The following RILPL1 variants were observed in gnomAD, a reference collection of about 807,000 sequenced individuals.
The protein encoded by RILPL1 is Rab interacting lysosomal protein like 1.
Under a neutral mutation model 50.3 loss-of-function variants are expected in RILPL1, and 33 were observed. That is an observed-to-expected ratio of 0.66 (90% CI 0.50 to 0.88). The LOEUF is 0.88. RILPL1 is among the 40% of genes least tolerant of loss of function. RILPL1 has a pLI of 0.00. For synonymous variants in RILPL1, 205 were observed against 228.6 expected (o/e 0.90, Z 0.93); for missense variants, 418 against 542.5 (o/e 0.77, Z 2.28).
rs28496079 is a variant in RILPL1, at chr12:123,522,294, C to T, written c.460+1201G>A. Among the ~76,000 whole-genome samples, 84,164 of 151,966 alleles carry T rather than the reference C, an allele frequency of 0.55. 25,337 individuals are homozygous for T. Among genetic ancestry groups the T allele is most frequent in the East Asian group, 0.89 (4,616 of 5,158 alleles). On this transcript the variant is annotated intron_variant, in intron 2 of 6. Coordinates refer to ENST00000376874, the MANE Select transcript of RILPL1 (RefSeq NM_178314.5). The surrounding 1 kb of genome is among the most constrained non-coding windows in gnomAD (Gnocchi z 4.0). ...CAGGGCTGAGCAGAGCAGATGCCGC[C>T]CACAGCCCCGCCTGGCCCGAATCTT...
chr12:123,513,240 C>T, intron 2 of RILPL1: 1 of 253,778 alleles, frequency 3.9e-6, no homozygotes, highest in Non-Finnish European at 8.5e-6. Flanking sequence ...TGTTTGGGGG[C>T]TGAGGTCCCA....
chr12:123,503,947 G>A (rs1385397652), intron 2 of RILPL1, among the ~76,000 whole-genome samples: 2 of 150,440 alleles, frequency 1.3e-5, no homozygotes, highest in Non-Finnish European at 2.9e-5. Context: ...CTTGCAGTGA[G>A]CCGAGATGGC....
At chr12:123,528,890 T>C (rs1885356531) in intron 1 of RILPL1, among the ~76,000 whole-genome samples, 1 of 152,054 alleles carries the variant, frequency 6.6e-6, no homozygotes, top group Admixed American at 6.6e-5. Flanking sequence ...ACCAGCCCAG[T>C]GGTTCTCCGG....
At chr12:123,475,569 T>C in intron 6 of RILPL1, 2 of 782,016 alleles carry the variant, frequency 2.6e-6, no homozygotes, top group Non-Finnish European at 4.3e-6. Flanking sequence ...GCAGCTTAAG[T>C]GGCCAGGGGG....
At chr12:123,515,040 C>G (rs922123499) in intron 2 of RILPL1, among the ~76,000 whole-genome samples, 2 of 151,728 alleles carry the variant, frequency 1.3e-5, no homozygotes, top group Non-Finnish European at 2.9e-5. Flanking sequence ...AAAAGATTCT[C>G]CCACCTCAGC....
chr12:123,521,628 T>TAC (rs779320001), intron 2 of RILPL1, among the ~76,000 whole-genome samples: 5 of 7,154 alleles, frequency 7.0e-4, no homozygotes, highest in Admixed American at 1.5e-3. Context: ...TGTATATATA[T>TAC]ACACACATAT....
intron 2 of RILPL1, among the ~76,000 whole-genome samples, chr12:123,500,106 A>AT (rs1883278367): frequency 6.6e-6 from 1 of 151,038 alleles, no homozygotes; most frequent in Admixed American, 6.6e-5. Context: ...AAATTTTTGT[A>AT]TTTTTAGTAG....
chr12:123,490,254 T>A (rs1593547348), intron 4 of RILPL1, among the ~76,000 whole-genome samples: 1 of 151,838 alleles, frequency 6.6e-6, no homozygotes, highest in Non-Finnish European at 1.5e-5. Flanking sequence ...TCAAAGGAAC[T>A]CCCAAACCCC....
At chr12:123,519,195 G>A (rs1435352055) in intron 2 of RILPL1, among the ~76,000 whole-genome samples, 1 of 151,790 alleles carries the variant, frequency 6.6e-6, no homozygotes, top group African/African-American at 2.4e-5. Flanking sequence ...AAATGACAAC[G>A]TGGTCAGTTT....
chr12:123,524,413 G>A (rs577531025), intron 1 of RILPL1, among the ~76,000 whole-genome samples: 26 of 152,254 alleles, frequency 1.7e-4, no homozygotes, highest in Middle Eastern at 3.4e-3. Context: ...GTTACCATAG[G>A]ACCCAGCAAC....
chr12:123,475,752 TG>T, intron 6 of RILPL1: 1 of 1,576,338 alleles, frequency 6.3e-7, no homozygotes, highest in Non-Finnish European at 8.6e-7. Context: ...GTAAAGATCC[TG>T]GTTAGAGAAG....
intron 4 of RILPL1, among the ~76,000 whole-genome samples, chr12:123,497,454 T>TC (rs546299178): frequency 2.0e-4 from 30 of 152,216 alleles, no homozygotes; most frequent in African/African-American, 6.7e-4. Context: ...GGTGGTGCAA[T>TC]CTCAGCTCAC....
At chr12:123,473,536 T>C (rs922931770) in intron 6 of RILPL1, 1 of 151,720 alleles carries the variant, frequency 6.6e-6, no homozygotes, top group Admixed American at 6.6e-5. Context: ...TAAATATATA[T>C]ATATAAGTAA....
chr12:123,503,262 G>A (rs868439864), intron 2 of RILPL1, among the ~76,000 whole-genome samples: 30 of 140,074 alleles, frequency 2.1e-4, no homozygotes, highest in Middle Eastern at 7.9e-3. Flanking sequence ...GTGCAGTGGC[G>A]CGATCTCAGC....
At chr12:123,496,076 G>A (rs1883016196) in intron 4 of RILPL1, among the ~76,000 whole-genome samples, 1 of 151,640 alleles carries the variant, frequency 6.6e-6, no homozygotes, top group African/African-American at 2.4e-5. Context: ...GCAGTGGCGT[G>A]ATCTCAGTTC....
At chr12:123,496,666 A>G (rs1054070655) in intron 4 of RILPL1, among the ~76,000 whole-genome samples, 1 of 152,158 alleles carries the variant, frequency 6.6e-6, no homozygotes, top group Non-Finnish European at 1.5e-5. Context: ...CGGCTTCAGG[A>G]ACAGCTCTTC....
chr12:123,488,262 G>A (rs368081749), intron 4 of RILPL1, among the ~76,000 whole-genome samples: 1 of 151,892 alleles, frequency 6.6e-6, no homozygotes, highest in South Asian at 2.1e-4. Flanking sequence ...AACATAGCAA[G>A]ACCTCATGTC....
chr12:123,533,589 C>T lies in RILPL1; in HGVS notation c.-107G>A. 1.0e-6 allele frequency: 1 copy of T among 975,576 alleles called. No homozygotes were observed. Among genetic ancestry groups the T allele is most frequent in the East Asian group, 3.8e-5 (1 of 26,582 alleles). The allele number at this position is 975,576 out of a possible 1,614,324, so 60.4% of individuals were successfully genotyped here. A position where few individuals can be genotyped will look rare whatever the true frequency, so the allele number is the denominator to read the frequency against. On this transcript the variant is annotated 5_prime_UTR_variant, in exon 1 of 7. Coordinates refer to ENST00000376874, the MANE Select transcript of RILPL1 (RefSeq NM_178314.5). The surrounding 1 kb of genome is among the most constrained non-coding windows in gnomAD (Gnocchi z 6.2). ...GCCCAGCCTGGGCCGCGGGCGGGCGCGCTCAGCGGGCGCTGGGGCGAGGGC... is the reference window on the plus strand; with the variant it reads ...GCCCAGCCTGGGCCGCGGGCGGGCGTGCTCAGCGGGCGCTGGGGCGAGGGC...
intron 1 of RILPL1, among the ~76,000 whole-genome samples, chr12:123,525,700 C>CAAAAAAAAAAAAA (rs1207503097): frequency 8.9e-5 from 4 of 44,980 alleles, no homozygotes; most frequent in East Asian, 1.3e-3. Flanking sequence ...GACACTGTCT[C>CAAAAAAAAAAAAA]AAAAAAAAAA....
Sources: gnomAD v4.1 joint callset for allele counts (sites outside exome capture counted in the v4.1 genomes callset) on GRCh38, gnomAD v4.1.1 for gene constraint, Gnocchi (gnomAD v3.1) non-coding constraint, MANE v1.5 for transcripts, NCBI Gene and HGNC (gene_info 2026-07-23, HGNC 2026-07-21) for gene names.